The following KLHL4 variants were observed in gnomAD, a reference collection of about 807,000 sequenced individuals.
The protein encoded by KLHL4 is kelch like family member 4, also known as kelch-like protein 4.
A neutral mutation model predicts 45.8 loss-of-function variants in KLHL4; 17 were observed. The observed-to-expected ratio is 0.37, with a 90% confidence interval of 0.25 to 0.56. KLHL4 has a LOEUF of 0.56. Ranked by LOEUF, KLHL4 falls within the 20% of genes least tolerant of loss-of-function variation. The probability of loss-of-function intolerance (pLI) is 0.79; values close to 1 mark genes in which losing one functional copy is unlikely to be tolerated. For synonymous variants in KLHL4, 224 were observed against 189.9 expected, an observed-to-expected ratio of 1.18 and a Z score of -1.47; for missense variants, 544 against 544.9, an observed-to-expected ratio of 1.00 and a Z score of 0.02.
At chrX:87,554,746 A>C (rs967617607) in intron 1 of KLHL4, among the ~76,000 whole-genome samples, 9 of 104,344 alleles carry the variant, frequency 8.6e-5, no homozygotes, top group African/African-American at 2.8e-4. Flanking sequence ...CAGAACTTCC[A>C]ACACTATGTT....
At chrX:87,561,618 G>A (rs1337685852) in intron 1 of KLHL4, among the ~76,000 whole-genome samples, 1 of 110,967 alleles carries the variant, frequency 9.0e-6, no homozygotes, top group Non-Finnish European at 1.9e-5. Context: ...GCTGTTCTGG[G>A]CTCAAAGTCA....
chrX:87,529,280 T>C (rs1184517606), intron 1 of KLHL4, among the ~76,000 whole-genome samples: 2 of 111,428 alleles, frequency 1.8e-5, no homozygotes, highest in Non-Finnish European at 3.8e-5. Context: ...CCAGTAAATA[T>C]TAATTCATAA....
chrX:87,660,930 T>C (rs955320622), intron 9 of KLHL4, among the ~76,000 whole-genome samples: 5 of 112,384 alleles, frequency 4.4e-5, no homozygotes, highest in Non-Finnish European at 9.4e-5. Context: ...GAAAGATTGA[T>C]ATGGAAAACC....
intron 1 of KLHL4, among the ~76,000 whole-genome samples, chrX:87,584,755 T>C (rs187421937): frequency 6.9e-4 from 75 of 108,927 alleles, no homozygotes; most frequent in Non-Finnish European, 4.0e-4. Flanking sequence ...ATCTAAAAGT[T>C]ATTGGCCTTA....
At chrX:87,628,724 G>T (rs1379208640) in intron 6 of KLHL4, among the ~76,000 whole-genome samples, 1 of 111,287 alleles carries the variant, frequency 9.0e-6, no homozygotes, top group African/African-American at 3.3e-5. Flanking sequence ...TTAAAAATTT[G>T]AAAAATTTAA....
chrX:87,660,101 G>T (rs192516887), intron 9 of KLHL4, among the ~76,000 whole-genome samples: 6 of 111,015 alleles, frequency 5.4e-5, no homozygotes, highest in African/African-American at 2.0e-4. Context: ...CAACACTGCA[G>T]GACATTTTTT....
intron 1 of KLHL4, among the ~76,000 whole-genome samples, chrX:87,542,564 C>T (rs188833082): frequency 2.7e-5 from 3 of 112,683 alleles, no homozygotes; most frequent in Admixed American, 1.9e-4. Flanking sequence ...GTGTTTTGGA[C>T]ATGCATGGGT....
chrX:87,522,757 G>A (rs756167558), intron 1 of KLHL4, among the ~76,000 whole-genome samples: 12 of 111,663 alleles, frequency 1.1e-4, no homozygotes, highest in Non-Finnish European at 1.9e-4. Context: ...AGAACATTAC[G>A]ACAAAAAATT....
chrX:87,571,053 T>G (rs1024624929), intron 1 of KLHL4, among the ~76,000 whole-genome samples: 1 of 110,899 alleles, frequency 9.0e-6, no homozygotes, highest in Non-Finnish European at 1.9e-5. Context: ...AAGCAAACTG[T>G]TATTTATTTT....
At chrX:87,610,543 T>C (rs1325385164) in intron 1 of KLHL4, among the ~76,000 whole-genome samples, 2 of 111,871 alleles carry the variant, frequency 1.8e-5, no homozygotes, top group African/African-American at 3.2e-5. Context: ...ACATAGACAA[T>C]AATTCTGTAT....
chrX:87,528,569 G>C (rs1055908680), intron 1 of KLHL4, among the ~76,000 whole-genome samples: 8 of 108,792 alleles, frequency 7.4e-5, no homozygotes, highest in Non-Finnish European at 1.1e-4. Flanking sequence ...ATAAAAATTA[G>C]CTCAGCGTGG....
In KLHL4 at chrX:87,669,433, A is replaced by G; in HGVS notation, c.*2899A>G. 5.0e-6 allele frequency: 6 copies of G among 1,203,535 alleles called. No homozygotes were observed. Among genetic ancestry groups the G allele is most frequent in the South Asian group, 1.8e-5 (1 of 55,734 alleles). ...CTCCACACAGCAATGACATTTATCA[A>G]TCTGACTCAGGTGTGGCTGTTGCCC... On this transcript the variant is annotated 3_prime_UTR_variant, in exon 11 of 11. Transcript: ENST00000373119.
At chrX:87,526,373 A>G (rs190774931) in intron 1 of KLHL4, among the ~76,000 whole-genome samples, 1 of 112,371 alleles carries the variant, frequency 8.9e-6, no homozygotes, top group Non-Finnish European at 1.9e-5. Context: ...ACAAATGAAT[A>G]AAAAGGTAAA....
At chrX:87,541,490 CACAAAAAAAA>C in intron 1 of KLHL4, among the ~76,000 whole-genome samples, 1 of 63,926 alleles carries the variant, frequency 1.6e-5, no homozygotes, top group Admixed American at 2.0e-4. Context: ...GACTCCATCT[CACAAAAAAAA>C]AAAAAAAAAA....
intron 9 of KLHL4, among the ~76,000 whole-genome samples, chrX:87,645,660 T>G (rs1923603976): frequency 9.0e-6 from 1 of 111,198 alleles, no homozygotes; most frequent in Non-Finnish European, 1.9e-5. Flanking sequence ...CAGATACCCA[T>G]CAATCAACAA....
chrX:87,547,953 T>C (rs1377371448), intron 1 of KLHL4, among the ~76,000 whole-genome samples: 9 of 112,303 alleles, frequency 8.0e-5, no homozygotes, highest in Admixed American at 6.6e-4. Context: ...ATCAAAAAGA[T>C]AATTACAGAG....
chrX:87,627,714 T>C (rs1407164478), intron 6 of KLHL4, among the ~76,000 whole-genome samples: 1 of 112,005 alleles, frequency 8.9e-6, no homozygotes, highest in Non-Finnish European at 1.9e-5. Flanking sequence ...GTTTTTTGTT[T>C]GGCATTTAAA....
At chrX:87,614,396 G>C (rs766244908) in intron 2 of KLHL4, 38 bp from the exon 3 acceptor site, 15 of 1,171,062 alleles carry the variant, frequency 1.3e-5, no homozygotes, top group Non-Finnish European at 1.7e-5. Context: ...TGAAATTATT[G>C]ACTCATTTAA....
chrX:87,661,176 A>G (rs1924175343), intron 9 of KLHL4, among the ~76,000 whole-genome samples: 1 of 111,869 alleles, frequency 8.9e-6, no homozygotes, highest in African/African-American at 3.2e-5. Context: ...TCCTAGCAAG[A>G]TAGTTTTCAT....
Sources: gnomAD v4.1 joint callset for allele counts (sites outside exome capture counted in the v4.1 genomes callset) on GRCh38, gnomAD v4.1.1 for gene constraint, MANE v1.5 for transcripts, NCBI Gene and HGNC (gene_info 2026-07-23, HGNC 2026-07-21) for gene names.